The following FSTL5 variants were observed in gnomAD, a reference collection of about 807,000 sequenced individuals.
FSTL5 encodes the protein follistatin-related protein 5.
In FSTL5, 62 loss-of-function variants were observed where a neutral mutation model predicts 89.1. The ratio of observed to expected loss-of-function variants is 0.70; its 90% CI spans 0.57 to 0.86. The LOEUF is 0.86. Ranked by LOEUF, FSTL5 falls within the 40% of genes least tolerant of loss-of-function variation. FSTL5 has a pLI of 0.00. For synonymous variants in FSTL5, 383 were observed against 346.2 expected (o/e 1.11, Z -1.18); for missense variants, 1,057 against 1,001.6 (o/e 1.06, Z -0.75).
intron 6 of FSTL5, among the ~76,000 whole-genome samples, chr4:161,666,768 T>C (rs1283367152): frequency 6.6e-6 from 1 of 152,022 alleles, no homozygotes; most frequent in African/African-American, 2.4e-5. Flanking sequence ...GTTCTGAATA[T>C]AAAATTGAGA....
chr4:161,795,823 C>T (rs929917390), intron 4 of FSTL5, among the ~76,000 whole-genome samples: 6 of 151,978 alleles, frequency 3.9e-5, no homozygotes, highest in Admixed American at 6.6e-5. Flanking sequence ...ATGCCAGTAC[C>T]ATATTGTTTT....
At chr4:162,156,158 A>C (rs760122021) in intron 1 of FSTL5, among the ~76,000 whole-genome samples, 1 of 152,138 alleles carries the variant, frequency 6.6e-6, no homozygotes, top group Non-Finnish European at 1.5e-5. Flanking sequence ...TCACAAATCA[A>C]TCATCAGAAA....
chr4:161,598,470 A>G (rs931769861), intron 7 of FSTL5, among the ~76,000 whole-genome samples: 6 of 152,128 alleles, frequency 3.9e-5, no homozygotes, highest in Non-Finnish European at 5.9e-5. Flanking sequence ...TAGAGCATGA[A>G]AAGCCAAGAC....
Position 161,422,899 on chromosome 4 carries a change from T to C in FSTL5, c.1841+32105A>G, listed in dbSNP as rs1173929341. On this transcript the variant is annotated intron_variant, in intron 15 of 15. Coordinates refer to ENST00000306100, the MANE Select transcript of FSTL5 (RefSeq NM_020116.5). ...CCAATCACAGCTTCACTTATCTATT[T>C]GGAAAGGCATTTATATTACACTTAT... Among the ~76,000 whole-genome samples, 3 of 152,222 alleles carry C rather than the reference T, an allele frequency of 2.0e-5. No individual in the cohort carries two copies. The East Asian group carries it at 5.8e-4, about 29-fold the overall frequency.
intron 4 of FSTL5, among the ~76,000 whole-genome samples, chr4:161,892,014 C>A (rs1733003818): frequency 6.6e-6 from 1 of 151,622 alleles, no homozygotes; most frequent in East Asian, 1.9e-4. Context: ...TTTTTTTTTA[C>A]TTTCGTATAT....
At chr4:162,004,121 A>T (rs1736544203) in intron 3 of FSTL5, among the ~76,000 whole-genome samples, 1 of 152,052 alleles carries the variant, frequency 6.6e-6, no homozygotes, top group Non-Finnish European at 1.5e-5. Context: ...TTATTTTCTA[A>T]ACTCTAGATC....
intron 4 of FSTL5, among the ~76,000 whole-genome samples, chr4:161,848,036 CAAAAAAAAAAAA>C (rs139315536): frequency 4.1e-5 from 2 of 48,202 alleles, no homozygotes; most frequent in African/African-American, 9.1e-5. Flanking sequence ...GACTCCGTCT[CAAAAAAAAAAAA>C]AAAAAAAAAA....
At chr4:161,511,847 G>A (rs553345416) in intron 10 of FSTL5, among the ~76,000 whole-genome samples, 66 of 152,184 alleles carry the variant, frequency 4.3e-4, no homozygotes, top group African/African-American at 1.6e-3. Flanking sequence ...ATGAGAAGAA[G>A]ATGGGTACTG....
intron 13 of FSTL5, among the ~76,000 whole-genome samples, chr4:161,463,370 T>C (rs2126418603): frequency 6.6e-6 from 1 of 152,290 alleles, no homozygotes; most frequent in South Asian, 2.1e-4. Flanking sequence ...TTTGGAAAAA[T>C]TGTAATTTTC....
intron 15 of FSTL5, among the ~76,000 whole-genome samples, chr4:161,412,259 C>G (rs1731617863): frequency 6.6e-6 from 1 of 152,104 alleles, no homozygotes; most frequent in African/African-American, 2.4e-5. Context: ...AATGGACTTA[C>G]TACCCAAAGC....
chr4:162,019,342 C>T (rs1462781768), intron 3 of FSTL5, among the ~76,000 whole-genome samples: 1 of 151,972 alleles, frequency 6.6e-6, no homozygotes, highest in African/African-American at 2.4e-5. Flanking sequence ...AGATTTGCAA[C>T]CTCAATTCTT....
rs542081719 is a variant in FSTL5 at position 161,832,787 on chromosome 4, C to T, written c.410-56713G>A. Among the ~76,000 whole-genome samples, 4 of 151,296 alleles carry T rather than the reference C, an allele frequency of 2.6e-5. No individual in the cohort carries two copies. In the South Asian group the frequency reaches 6.3e-4, roughly 24 times the overall value. Reference sequence around the variant, plus strand: ...CTTCTCTCTTTTCTTCTTTATTAGTCTTGCTAGCGGTCTATCAATTTTGTT... The same window carrying T: ...CTTCTCTCTTTTCTTCTTTATTAGTTTTGCTAGCGGTCTATCAATTTTGTT... On this transcript the variant is annotated intron_variant, in intron 4 of 15. Coordinates refer to ENST00000306100, the MANE Select transcript of FSTL5 (RefSeq NM_020116.5).
At chr4:161,753,522 T>G (rs1740467852) in intron 6 of FSTL5, among the ~76,000 whole-genome samples, 1 of 152,202 alleles carries the variant, frequency 6.6e-6, no homozygotes, top group African/African-American at 2.4e-5. Flanking sequence ...TTAGCCTATA[T>G]TAGTGCAACA....
chr4:161,504,153 C>T (rs1730394836), intron 11 of FSTL5, among the ~76,000 whole-genome samples: 1 of 151,718 alleles, frequency 6.6e-6, no homozygotes, highest in African/African-American at 2.4e-5. Flanking sequence ...ATTTATGGCT[C>T]CATGTAATGG....
chr4:161,813,861 A>G (rs939646498), intron 4 of FSTL5, among the ~76,000 whole-genome samples: 9 of 152,212 alleles, frequency 5.9e-5, no homozygotes, highest in Non-Finnish European at 1.5e-5. Flanking sequence ...ATGAAGTACA[A>G]AGTATATTTT....
intron 6 of FSTL5, among the ~76,000 whole-genome samples, chr4:161,668,336 G>T (rs972708344): frequency 1.3e-5 from 2 of 152,146 alleles, no homozygotes; most frequent in Admixed American, 1.3e-4. Flanking sequence ...CAGGCAATCT[G>T]AATAGGTTTA....
At chr4:162,010,498 C>G (rs1442954059) in intron 3 of FSTL5, among the ~76,000 whole-genome samples, 2 of 152,102 alleles carry the variant, frequency 1.3e-5, no homozygotes, top group East Asian at 3.9e-4. Flanking sequence ...TGTACAGTGA[C>G]TTTCACAGGA....
chr4:161,495,722 C>G (rs1331466300), intron 12 of FSTL5, among the ~76,000 whole-genome samples: 2 of 152,000 alleles, frequency 1.3e-5, no homozygotes, highest in African/African-American at 4.8e-5. Flanking sequence ...CTTTACTGAT[C>G]AATGAGTTAT....
intron 2 of FSTL5, among the ~76,000 whole-genome samples, chr4:162,045,245 T>C (rs1252582520): frequency 6.6e-6 from 1 of 152,122 alleles, no homozygotes; most frequent in Non-Finnish European, 1.5e-5. Context: ...ATTGGCCTAA[T>C]TTCAGTATTA....
Sources: gnomAD v4.1 joint callset for allele counts (sites outside exome capture counted in the v4.1 genomes callset) on GRCh38, gnomAD v4.1.1 for gene constraint, MANE v1.5 for transcripts, NCBI Gene and HGNC (gene_info 2026-07-23, HGNC 2026-07-21) for gene names.